DPP10: variants seen among roughly 807,000 people sequenced by gnomAD.
The protein encoded by DPP10 is dipeptidyl peptidase like 10, also known as inactive dipeptidyl peptidase 10.
Under a neutral mutation model 120.9 loss-of-function variants are expected in DPP10, and 33 were observed. That is an observed-to-expected ratio of 0.27 (90% CI 0.21 to 0.37). The LOEUF is 0.37. DPP10 is among the 10% of genes least tolerant of loss of function. DPP10 has a pLI of 1.00. For synonymous variants in DPP10, 337 were observed against 326.1 expected (o/e 1.03, Z -0.36); for missense variants, 816 against 942.8 (o/e 0.87, Z 1.76).
At chr2:115,742,023 CTTTG>C (rs1387722593) in intron 9 of DPP10, among the ~76,000 whole-genome samples, 1 of 152,082 alleles carries the variant, frequency 6.6e-6, no homozygotes, top group Non-Finnish European at 1.5e-5. Flanking sequence ...ACATAATAAT[CTTTG>C]TTTATTAATT....
chr2:115,748,976 T>C (rs1360492123), intron 10 of DPP10, among the ~76,000 whole-genome samples: 1 of 152,128 alleles, frequency 6.6e-6, no homozygotes, highest in African/African-American at 2.4e-5. Flanking sequence ...TCATCACCAT[T>C]CAGTTTATCT....
At chr2:115,177,329 A>T (rs1374755432) in intron 1 of DPP10, among the ~76,000 whole-genome samples, 2 of 152,226 alleles carry the variant, frequency 1.3e-5, no homozygotes, top group African/African-American at 4.8e-5. Flanking sequence ...GAGAAGGTGA[A>T]TGCTTTGCTC....
chr2:115,368,991 C>G (rs962098915), intron 3 of DPP10, among the ~76,000 whole-genome samples: 7 of 151,850 alleles, frequency 4.6e-5, no homozygotes, highest in Non-Finnish European at 8.8e-5. Context: ...ACCATTTTCA[C>G]TAATAATATA....
intron 1 of DPP10, among the ~76,000 whole-genome samples, chr2:114,747,521 G>A (rs909330691): frequency 1.3e-5 from 2 of 152,128 alleles, no homozygotes; most frequent in Non-Finnish European, 2.9e-5. Flanking sequence ...TGTATGTATG[G>A]CATTTTAAAA....
chr2:114,936,299 T>C (rs1207506796), intron 1 of DPP10, among the ~76,000 whole-genome samples: 2 of 152,040 alleles, frequency 1.3e-5, no homozygotes, highest in Non-Finnish European at 2.9e-5. Context: ...TCCATCCAGT[T>C]GCTGTGAATG....
At chr2:115,496,902 G>A (rs1403080439) in intron 3 of DPP10, among the ~76,000 whole-genome samples, 2 of 152,074 alleles carry the variant, frequency 1.3e-5, no homozygotes, top group East Asian at 3.9e-4. Flanking sequence ...CATGGGACTA[G>A]GGAATGGATG....
intron 1 of DPP10, among the ~76,000 whole-genome samples, chr2:114,806,298 G>A (rs1053322647): frequency 6.6e-6 from 1 of 152,166 alleles, no homozygotes; most frequent in South Asian, 2.1e-4. Context: ...AGCTAGCCAT[G>A]TATTATTTTC....
At chr2:115,790,698 C>A (rs989635951) in intron 17 of DPP10, among the ~76,000 whole-genome samples, 2 of 151,936 alleles carry the variant, frequency 1.3e-5, no homozygotes, top group African/African-American at 2.4e-5. Flanking sequence ...TATTAAATAC[C>A]TGAACTACAA....
intron 1 of DPP10, among the ~76,000 whole-genome samples, chr2:114,755,789 G>A (rs572185781): frequency 1.3e-5 from 2 of 152,226 alleles, no homozygotes; most frequent in South Asian, 2.1e-4. Context: ...TGCTAAAATA[G>A]GGAGTAGTCA....
At chr2:115,165,984 A>T (rs1044330201) in intron 1 of DPP10, among the ~76,000 whole-genome samples, 3 of 152,246 alleles carry the variant, frequency 2.0e-5, no homozygotes, top group African/African-American at 4.8e-5. Flanking sequence ...CTGTCACTTG[A>T]TGAAATAATT....
Position 115,334,230 on chromosome 2 carries a change from G to GT in DPP10, c.176-9571dup. On this transcript the variant is annotated intron_variant, in intron 2 of 25. Transcript: ENST00000410059. ...TCAGGAATGGACCAGAGCAGACTCT[G>GT]TTTTTTTTTTTTTTTTAAGAAACCT... 8.8e-3 allele frequency among the ~76,000 whole-genome samples: 498 copies of GT among 56,400 alleles called. 86 individuals are homozygous for GT. The highest frequency in any genetic ancestry group is 0.015 in the African/African-American group (314 of 20,432). The allele number at this position is 56,400 out of a possible 152,430, so 37.0% of individuals were successfully genotyped here.
In DPP10 at chr2:114,693,702, C is replaced by G. The variant is rs1379563898; in HGVS notation, c.60+250864C>G. ...CAACTTTATTCCATTCTCCCCATCT[C>G]TTTGAGGTACCCCAATCAGTCGTAG... On this transcript the variant is annotated intron_variant, in intron 1 of 25. Transcript: ENST00000410059. 2.0e-5 allele frequency among the ~76,000 whole-genome samples: 3 copies of G among 151,954 alleles called. No individual in the cohort carries two copies. The East Asian group carries it at 5.8e-4, about 29-fold the overall frequency.
intron 2 of DPP10, among the ~76,000 whole-genome samples, chr2:115,322,804 G>T (rs550770219): frequency 6.6e-6 from 1 of 152,180 alleles, no homozygotes; most frequent in East Asian, 1.9e-4. Context: ...TATCGTATTT[G>T]TAGTTTATTA....
chr2:115,486,426 C>T (rs889659189), intron 3 of DPP10, among the ~76,000 whole-genome samples: 5 of 152,108 alleles, frequency 3.3e-5, no homozygotes, highest in Admixed American at 2.6e-4. Flanking sequence ...TTAAAATAAG[C>T]TCTATTTTCT....
At chr2:115,642,125 G>A (rs574208778) in intron 5 of DPP10, among the ~76,000 whole-genome samples, 3 of 151,970 alleles carry the variant, frequency 2.0e-5, no homozygotes, top group African/African-American at 7.3e-5. Context: ...ATCCAAATAT[G>A]GTTTCTATAT....
At chr2:114,954,328 C>A (rs1698043652) in intron 1 of DPP10, among the ~76,000 whole-genome samples, 1 of 152,004 alleles carries the variant, frequency 6.6e-6, no homozygotes, top group African/African-American at 2.4e-5. Flanking sequence ...CATGATCCAC[C>A]CACCTCGGCC....
At chr2:115,310,986 A>C (rs1322766843) in intron 2 of DPP10, among the ~76,000 whole-genome samples, 1 of 152,134 alleles carries the variant, frequency 6.6e-6, no homozygotes, top group Non-Finnish European at 1.5e-5. Flanking sequence ...TGTCCTTGAG[A>C]GTTTGATACA....
intron 3 of DPP10, among the ~76,000 whole-genome samples, chr2:115,448,397 T>C (rs745595289): frequency 4.6e-5 from 7 of 152,148 alleles, no homozygotes; most frequent in Admixed American, 1.3e-4. Context: ...AACTGCACAA[T>C]TGTACTTTAA....
intron 22 of DPP10, 57 bp from the exon 23 acceptor site, chr2:115,836,450 T>TA (rs1689537391): frequency 1.3e-6 from 2 of 1,564,854 alleles, no homozygotes; most frequent in Admixed American, 1.9e-5. Context: ...ATTAATGAAA[T>TA]ATGCCAGTCA....
Sources: gnomAD v4.1 joint callset for allele counts (sites outside exome capture counted in the v4.1 genomes callset) on GRCh38, gnomAD v4.1.1 for gene constraint, MANE v1.5 for transcripts, NCBI Gene and HGNC (gene_info 2026-07-23, HGNC 2026-07-21) for gene names.